The following NCBP1 variants were observed in gnomAD, a reference collection of about 807,000 sequenced individuals.
NCBP1 encodes nuclear cap-binding protein subunit 1.
A neutral mutation model predicts 111.7 loss-of-function variants in NCBP1; 16 were observed. That is an observed-to-expected ratio of 0.14 (90% confidence interval 0.10 to 0.22). The LOEUF is 0.22. Ranked by LOEUF, NCBP1 falls within the 10% of genes least tolerant of loss-of-function variation. The pLI is 1.00. For missense variants in NCBP1, 607 were observed against 957.5 expected (o/e 0.63, Z 4.83); for synonymous variants, 304 against 314.3 (o/e 0.97, Z 0.35).
At chr9:97,643,772 A>G (rs73498329) in intron 4 of NCBP1, among the ~76,000 whole-genome samples, 14,272 of 151,924 alleles carry the variant, frequency 0.094, 2,299 homozygotes, top group African/African-American at 0.33. Context: ...CTGTCTCCCT[A>G]ATTTCTCTCA....
rs199768033 is a variant in NCBP1, at chr9:97,641,623, C to T, written c.185C>T (p.Pro62Leu). The change falls in exon 3 of 23, where the codon CCT becomes CTT. Residue 62 changes from proline to leucine, a missense_variant. This residue lies in a region of NCBP1 where 185 missense variants were observed against 272.0 expected (regional missense o/e 0.68). Coordinates refer to ENST00000375147, the MANE Select transcript of NCBP1 (RefSeq NM_002486.5). Reference protein sequence around the residue: ...GLAGVLEADLPNYKSKILRLL... With the variant: ...GLAGVLEADLLNYKSKILRLL... ...GCTGGTGTTTTGGAAGCTGATCTTC[C>T]TAACTACAAGAGCAAGATCTTAAGG... is the stretch of plus-strand genomic sequence containing the variant. 2.5e-6 allele frequency: 4 copies of T among 1,609,728 alleles called. No individual in the cohort carries two copies. Among genetic ancestry groups the T allele is most frequent in the Non-Finnish European group, 3.4e-6 (4 of 1,176,572 alleles).
intron 1 of NCBP1, 98 bp from the exon 2 acceptor site, chr9:97,640,696 G>C: frequency 1.1e-6 from 1 of 905,652 alleles, no homozygotes; most frequent in Non-Finnish European, 1.7e-6. Context: ...TAAAAACATA[G>C]GGCCTGGTAG....
In NCBP1 at chr9:97,672,303, G is replaced by A. The variant is rs1263567464; in HGVS notation, c.*1104G>A. 1 of 152,090 alleles carries A rather than the reference G, an allele frequency of 6.6e-6. No individual in the cohort carries two copies. Among genetic ancestry groups the A allele is most frequent in the Non-Finnish European group, 1.5e-5 (1 of 68,024 alleles). 9.4% of individuals were successfully genotyped at this position (152,090 alleles called of 1,614,324 possible). ...GTTGTTGTGCATTTGCACAAAATAG[G>A]TATAATTTTTTCTTATTACATCCCA... On this transcript the variant is annotated 3_prime_UTR_variant, in exon 23 of 23. Transcript: ENST00000375147.
chr9:97,671,410 A>G lies in NCBP1; in HGVS notation c.*211A>G. On this transcript the variant is annotated 3_prime_UTR_variant, in exon 23 of 23. Coordinates refer to ENST00000375147, the MANE Select transcript of NCBP1 (RefSeq NM_002486.5). ...CGGCAGTAATGTGACTATGACCATGATATATTATATATGTGACAGATACAA... is the reference window on the plus strand; with the variant it reads ...CGGCAGTAATGTGACTATGACCATGGTATATTATATATGTGACAGATACAA... 1 of 489,672 alleles carries G rather than the reference A, an allele frequency of 2.0e-6. No individual in the cohort carries two copies. Among genetic ancestry groups the G allele is most frequent in the Non-Finnish European group, 3.7e-6 (1 of 273,340 alleles). The allele number at this position is 489,672 out of a possible 1,614,324, so 30.3% of individuals were successfully genotyped here. A position where few individuals can be genotyped will look rare whatever the true frequency, so the allele number is the denominator to read the frequency against.
intron 9 of NCBP1, among the ~76,000 whole-genome samples, chr9:97,650,832 G>A (rs1239193053): frequency 1.3e-5 from 2 of 152,144 alleles, no homozygotes; most frequent in South Asian, 2.1e-4. Flanking sequence ...TGTGTTTGGT[G>A]TGGATATTTA....
chr9:97,634,739 A>G (rs1391479904), intron 1 of NCBP1: 1 of 152,236 alleles, frequency 6.6e-6, no homozygotes, highest in African/African-American at 2.4e-5. Flanking sequence ...GAGTAATTCT[A>G]TTGTTAACAT....
chr9:97,653,206 C>T (rs567670360), intron 10 of NCBP1, among the ~76,000 whole-genome samples: 2 of 151,034 alleles, frequency 1.3e-5, no homozygotes, highest in African/African-American at 2.4e-5. Context: ...GTGCAACCTC[C>T]GCCTCCTGGG....
In NCBP1 at chr9:97,664,753, A is replaced by T. The variant is rs1587724717; in HGVS notation, c.1901+310A>T. ...AAGAGCCAGCTATGTGCAGAGTCTC[A>T]GCTAGTCCAGATGGAACTCGGGAAG... On this transcript the variant is annotated intron_variant, in intron 19 of 22. Coordinates refer to ENST00000375147, the MANE Select transcript of NCBP1 (RefSeq NM_002486.5). Among the ~76,000 whole-genome samples, 5 of 152,314 alleles carry T rather than the reference A, an allele frequency of 3.3e-5. No individual in the cohort carries two copies. In the South Asian group the frequency reaches 1.0e-3, roughly 32 times the overall value.
intron 4 of NCBP1, 96 bp downstream of exon 4, chr9:97,643,456 A>T (rs1236694272): frequency 7.8e-7 from 1 of 1,276,590 alleles, no homozygotes; most frequent in Non-Finnish European, 1.1e-6. Context: ...CTCCTAAAAC[A>T]TTCTCATTCA....
rs1827312788 is a variant in NCBP1, at chr9:97,645,684, AAG to A, written c.565_566del (p.Asp189CysfsTer11). The stretch of plus-strand genomic sequence containing the variant: ...GTTGGAAAGGAGTTGTACGAAAAGA[AAG>A]ATGCAGAGATGGACCGCATCTTTGC... On this transcript the variant is annotated frameshift_variant, in exon 6 of 23. Transcript: ENST00000375147. LOFTEE classifies it high-confidence loss of function. 6.2e-7 allele frequency: 1 copy of A among 1,613,990 alleles called. No homozygotes were observed. Among genetic ancestry groups the A allele is most frequent in the Admixed American group, 1.7e-5 (1 of 60,008 alleles).
At position 97,660,949 on chromosome 9, in the gene NCBP1, C is replaced by T. The variant is rs767878003; in HGVS notation, c.1481C>T (p.Ser494Phe). The change falls in exon 16 of 23, where the codon TCT becomes TTT. Residue 494 changes from serine to phenylalanine, a missense_variant. Physicochemically the swap from Ser to Phe is radical, Grantham distance 155. Around this residue, in one of 9 missense-constraint regions of NCBP1, gnomAD observed 282 missense variants for 376.5 expected, o/e 0.75. Coordinates refer to ENST00000375147, the MANE Select transcript of NCBP1 (RefSeq NM_002486.5). ...TTACCCCCAATTCTGTGTTTAGATT[C>T]TCTTCCTGGACATTCTGTTGCCCTC... ...IYKYGDESSNSLPGHSVALCL... is the reference protein window; with the variant it reads ...IYKYGDESSNFLPGHSVALCL... The T allele has an allele frequency of 2.5e-6, 4 of 1,608,290 alleles. No individual in the cohort carries two copies. The highest frequency in any genetic ancestry group is 3.4e-6 in the Non-Finnish European group (4 of 1,177,620).
intron 16 of NCBP1, among the ~76,000 whole-genome samples, 178 bp from the exon 17 acceptor site, chr9:97,661,864 G>A (rs1315111016): frequency 2.0e-5 from 3 of 149,708 alleles, no homozygotes; most frequent in African/African-American, 7.4e-5. Flanking sequence ...AATTACAAGT[G>A]GTTTCATATT....
At chr9:97,655,041 T>G (rs1827609881) in intron 12 of NCBP1, 97 bp downstream of exon 12, 1 of 1,085,930 alleles carries the variant, frequency 9.2e-7, no homozygotes, top group Admixed American at 3.0e-5. Flanking sequence ...AATTTCCATG[T>G]TTAGTTTTTT....
intron 1 of NCBP1, among the ~76,000 whole-genome samples, chr9:97,639,602 A>G (rs1265287300): frequency 6.6e-6 from 1 of 152,196 alleles, no homozygotes; most frequent in Non-Finnish European, 1.5e-5. Context: ...TTCCCTGCAC[A>G]GTTACAGGCT....
intron 1 of NCBP1, among the ~76,000 whole-genome samples, chr9:97,637,445 A>G (rs781611443): frequency 3.2e-4 from 48 of 152,238 alleles, no homozygotes; most frequent in Admixed American, 6.5e-5. Context: ...TACGAATACA[A>G]TTTTGGGAAT....
At chr9:97,663,421 T>G (rs933689513) in intron 18 of NCBP1, among the ~76,000 whole-genome samples, 1 of 152,192 alleles carries the variant, frequency 6.6e-6, no homozygotes, top group African/African-American at 2.4e-5. Context: ...AAAACATTGT[T>G]TTACATTTAA....
Position 97,643,216 on chromosome 9 carries a change from A to G in NCBP1, c.237A>G (p.Leu79=). Residue 79 remains leucine (L), a synonymous_variant, in exon 4 of 23, where the codon TTA becomes TTG. Transcript: ENST00000375147. The part of the protein sequence containing the change: ...LRLLCTVARL[L]PEKLTIYTTL... Reference sequence around the variant, plus strand: ...GTTCTTAAATCAGTGCACGCCTATTACCTGAGAAGCTGACAATTTATACAA... The same window carrying G: ...GTTCTTAAATCAGTGCACGCCTATTGCCTGAGAAGCTGACAATTTATACAA... The G allele has an allele frequency of 3.1e-6, 5 of 1,607,244 alleles. No individual in the cohort carries two copies. Among genetic ancestry groups the G allele is most frequent in the Non-Finnish European group, 4.2e-6 (5 of 1,178,196 alleles).
intron 1 of NCBP1, among the ~76,000 whole-genome samples, chr9:97,636,542 GTTTA>G (rs200047034): frequency 4.2e-4 from 58 of 138,458 alleles, no homozygotes; most frequent in African/African-American, 2.4e-4. Context: ...ATATAAGTTT[GTTTA>G]TTATAAGTTT....
intron 18 of NCBP1, 40 bp downstream of exon 18, chr9:97,663,087 T>A: frequency 6.9e-7 from 1 of 1,452,984 alleles, no homozygotes; most frequent in Non-Finnish European, 9.6e-7. Flanking sequence ...GCTCTGATTG[T>A]ATGGGTATAA....
Sources: allele counts gnomAD v4.1 joint callset (sites outside exome capture counted in the v4.1 genomes callset), GRCh38; gene constraint gnomAD v4.1.1; regional missense constraint gnomAD v4.1.1; transcripts MANE v1.5; gene names NCBI Gene and HGNC (gene_info 2026-07-23, HGNC 2026-07-21).